NDUFAF2: variants seen among roughly 807,000 people sequenced by gnomAD.
NDUFAF2 encodes NADH:ubiquinone oxidoreductase complex assembly factor 2.
Under a neutral mutation model 22.8 loss-of-function variants are expected in NDUFAF2, and 13 were observed. The observed-to-expected ratio is 0.57, with a 90% CI of 0.37 to 0.91. The LOEUF is 0.91. NDUFAF2 is among the 40% of genes least tolerant of loss of function. The probability of loss-of-function intolerance (pLI) is 0.01; values close to 1 mark genes in which losing one functional copy is unlikely to be tolerated. For missense variants in NDUFAF2, 162 were observed against 195.2 expected (o/e 0.83, Z 1.01); for synonymous variants, 53 against 64.2 (o/e 0.83, Z 0.84).
At chr5:61,008,052 A>T (rs941068524) in intron 1 of NDUFAF2, among the ~76,000 whole-genome samples, 1 of 151,254 alleles carries the variant, frequency 6.6e-6, no homozygotes, top group Non-Finnish European at 1.5e-5. Context: ...TATCGCAAGA[A>T]CAAAAAACCA....
chr5:61,130,944 T>C (rs1207162050), intron 3 of NDUFAF2, among the ~76,000 whole-genome samples: 6 of 151,968 alleles, frequency 3.9e-5, no homozygotes, highest in Non-Finnish European at 8.8e-5. Flanking sequence ...AACTGAAGGA[T>C]AAAAAAGGAA....
At chr5:61,149,554 A>G (rs1741197285) in intron 3 of NDUFAF2, among the ~76,000 whole-genome samples, 1 of 152,208 alleles carries the variant, frequency 6.6e-6, no homozygotes, top group South Asian at 2.1e-4. Context: ...AAATCATGGT[A>G]CAATACTAGT....
chr5:61,002,101 T>A (rs939126108), intron 1 of NDUFAF2, among the ~76,000 whole-genome samples: 2 of 152,044 alleles, frequency 1.3e-5, no homozygotes, highest in African/African-American at 2.4e-5. Flanking sequence ...CAGGACAGCA[T>A]TGTCAGAAAG....
At chr5:61,011,292 T>C (rs538310449) in intron 1 of NDUFAF2, among the ~76,000 whole-genome samples, 1 of 152,206 alleles carries the variant, frequency 6.6e-6, no homozygotes, top group South Asian at 2.1e-4. Context: ...TGCCTCCAGC[T>C]TCCCTTGTAG....
intron 1 of NDUFAF2, among the ~76,000 whole-genome samples, chr5:60,965,851 C>T (rs932148309): frequency 1.3e-5 from 2 of 152,076 alleles, no homozygotes; most frequent in African/African-American, 4.8e-5. Context: ...ATCTCTTTGG[C>T]ATACTGATTT....
intron 2 of NDUFAF2, among the ~76,000 whole-genome samples, chr5:61,073,749 T>C (rs1752331831): frequency 6.6e-6 from 1 of 152,120 alleles, no homozygotes; most frequent in Non-Finnish European, 1.5e-5. Flanking sequence ...GAAGTTAAAA[T>C]AAAAGATCAA....
intron 3 of NDUFAF2, among the ~76,000 whole-genome samples, chr5:61,105,619 T>C (rs1244209710): frequency 4.4e-5 from 5 of 113,296 alleles, no homozygotes; most frequent in Admixed American, 1.0e-4. Flanking sequence ...TCAGAAGCAA[T>C]GATACTGAGC....
chr5:61,005,254 A>G (rs1298678415), intron 1 of NDUFAF2, among the ~76,000 whole-genome samples: 2 of 152,190 alleles, frequency 1.3e-5, no homozygotes, highest in Non-Finnish European at 2.9e-5. Context: ...ATGTCCCTAC[A>G]AAGGACATGA....
At chr5:60,986,220 A>G (rs766961027) in intron 1 of NDUFAF2, among the ~76,000 whole-genome samples, 5 of 152,214 alleles carry the variant, frequency 3.3e-5, no homozygotes, top group Non-Finnish European at 7.3e-5. Context: ...ACTATTCACA[A>G]TAGCTAAGAT....
intron 1 of NDUFAF2, among the ~76,000 whole-genome samples, chr5:60,981,164 T>A (rs1334354697): frequency 6.6e-6 from 1 of 151,862 alleles, no homozygotes; most frequent in East Asian, 1.9e-4. Flanking sequence ...AGGTCAAGGA[T>A]AAAGAAAGGA....
intron 1 of NDUFAF2, among the ~76,000 whole-genome samples, chr5:61,013,620 T>C (rs928196571): frequency 6.6e-6 from 1 of 152,114 alleles, no homozygotes; most frequent in African/African-American, 2.4e-5. Context: ...TCTCTAGTCA[T>C]GTATTCTCTG....
chr5:60,954,071 T>C (rs190214953), intron 1 of NDUFAF2, among the ~76,000 whole-genome samples: 132 of 152,240 alleles, frequency 8.7e-4, no homozygotes, highest in African/African-American at 3.1e-3. Context: ...GCTTTTTGAG[T>C]GTTGGCTGTG....
At chr5:60,979,959 T>C (rs1200750861) in intron 1 of NDUFAF2, among the ~76,000 whole-genome samples, 1 of 151,848 alleles carries the variant, frequency 6.6e-6, no homozygotes, top group Non-Finnish European at 1.5e-5. Context: ...TCCAGGCAGC[T>C]CTGCACACAG....
At chr5:61,047,720 A>G (rs1023614164) in intron 1 of NDUFAF2, among the ~76,000 whole-genome samples, 2 of 152,202 alleles carry the variant, frequency 1.3e-5, no homozygotes, top group Non-Finnish European at 2.9e-5. Flanking sequence ...TGAAAAAAAA[A>G]GAATCAACCC....
At chr5:61,128,396 C>G (rs1268178403) in intron 3 of NDUFAF2, among the ~76,000 whole-genome samples, 1 of 152,196 alleles carries the variant, frequency 6.6e-6, no homozygotes, top group Non-Finnish European at 1.5e-5. Flanking sequence ...TGACTTCAAA[C>G]TATACTACAA....
intron 1 of NDUFAF2, among the ~76,000 whole-genome samples, chr5:60,960,328 C>G (rs543355007): frequency 6.6e-6 from 1 of 152,004 alleles, no homozygotes; most frequent in African/African-American, 2.4e-5. Context: ...TGTTGTGACT[C>G]GCTGTATTTG....
In NDUFAF2 at chr5:61,006,004, G is replaced by T. The variant is rs553074902; in HGVS notation, c.127+60622G>T. On this transcript the variant is annotated intron_variant, in intron 1 of 3. Transcript: ENST00000296597. ...CCATTGCTTTTGGTGTTTCAGACATGAAGTCCTTGCCCATACCTATGTCCT... is the reference window on the plus strand; with the variant it reads ...CCATTGCTTTTGGTGTTTCAGACATTAAGTCCTTGCCCATACCTATGTCCT... Among the ~76,000 whole-genome samples the T allele has an allele frequency of 1.2e-3, 190 of 152,300 alleles. 4 individuals carry two copies. The highest frequency in any genetic ancestry group is 6.8e-3 in the Middle Eastern group (2 of 294).
At chr5:61,131,439 A>G (rs1753110984) in intron 3 of NDUFAF2, among the ~76,000 whole-genome samples, 1 of 152,088 alleles carries the variant, frequency 6.6e-6, no homozygotes, top group South Asian at 2.1e-4. Flanking sequence ...TTAACTCTTT[A>G]GAGAGCAATT....
intron 2 of NDUFAF2, among the ~76,000 whole-genome samples, chr5:61,079,416 G>T (rs780932762): frequency 4.6e-5 from 7 of 152,046 alleles, no homozygotes; most frequent in Non-Finnish European, 1.0e-4. Context: ...TTTGGCAAAG[G>T]GATTTACCTC....
Sources: gnomAD v4.1 joint callset for allele counts (sites outside exome capture counted in the v4.1 genomes callset) on GRCh38, gnomAD v4.1.1 for gene constraint, MANE v1.5 for transcripts, NCBI Gene and HGNC (gene_info 2026-07-23, HGNC 2026-07-21) for gene names.